The following IQSEC1 variants were observed in gnomAD, a reference collection of about 807,000 sequenced individuals.
IQSEC1 encodes IQ motif and Sec7 domain ArfGEF 1, also known as IQ motif and SEC7 domain-containing protein 1.
Under a neutral mutation model 91.0 loss-of-function variants are expected in IQSEC1, and 31 were observed. The ratio of observed to expected loss-of-function variants is 0.34; its 90% confidence interval spans 0.26 to 0.46. IQSEC1 has a LOEUF of 0.46. IQSEC1 is among the 20% of genes least tolerant of loss of function. The pLI, the probability that IQSEC1 is intolerant of heterozygous loss-of-function variation, is 1.00. For missense variants in IQSEC1, 1,388 were observed against 1,575.6 expected, an observed-to-expected ratio of 0.88 and a Z score of 2.02; for synonymous variants, 699 against 662.6, an observed-to-expected ratio of 1.05 and a Z score of -0.84.
intron 2 of IQSEC1, among the ~76,000 whole-genome samples, chr3:13,121,880 G>T (rs914180309): frequency 2.0e-5 from 3 of 152,236 alleles, no homozygotes; most frequent in Non-Finnish European, 4.4e-5. Flanking sequence ...ACCGTCCTAC[G>T]GAACTGCCCC....
chr3:12,949,873 A>C (rs987536916), intron 1 of IQSEC1, among the ~76,000 whole-genome samples: 36 of 152,164 alleles, frequency 2.4e-4, no homozygotes, highest in Non-Finnish European at 5.0e-4. Context: ...GTGCAGAGAG[A>C]ACAGGCAGGT....
chr3:13,038,262 GTATATA>G (rs58338571), intron 1 of IQSEC1, among the ~76,000 whole-genome samples: 3,394 of 101,160 alleles, frequency 0.034, 128 homozygotes, highest in African/African-American at 0.093. Context: ...GTGTGTGTGT[GTATATA>G]TATATATATA....
intron 1 of IQSEC1, among the ~76,000 whole-genome samples, chr3:13,047,891 G>C (rs1328774658): frequency 1.3e-5 from 2 of 152,112 alleles, no homozygotes; most frequent in Admixed American, 6.5e-5. Context: ...CTTCCCCAAA[G>C]AGCCCTGCAC....
At chr3:12,946,384 G>A (rs543287899) in intron 1 of IQSEC1, among the ~76,000 whole-genome samples, 4 of 152,320 alleles carry the variant, frequency 2.6e-5, no homozygotes, top group East Asian at 3.9e-4. Flanking sequence ...GGAATGGGCC[G>A]AGGCACCTCT....
intron 2 of IQSEC1, among the ~76,000 whole-genome samples, chr3:13,119,299 C>T (rs1706386982): frequency 6.6e-6 from 1 of 152,180 alleles, no homozygotes. Context: ...AAAAGGGCCT[C>T]AAGGATCTGA....
At chr3:13,093,223 TA>T (rs35347959) in intron 2 of IQSEC1, among the ~76,000 whole-genome samples, 73,930 of 151,552 alleles carry the variant, frequency 0.49, 18,292 homozygotes, top group East Asian at 0.58. Context: ...AACTCACTTA[TA>T]AAGGAGACAT....
intron 12 of IQSEC1, among the ~76,000 whole-genome samples, chr3:12,905,519 C>T (rs1024090568): frequency 2.7e-4 from 41 of 152,266 alleles, no homozygotes; most frequent in Non-Finnish European, 5.4e-4. Context: ...AACGGGCCCA[C>T]AGGGTCTGAC....
intron 1 of IQSEC1, among the ~76,000 whole-genome samples, chr3:13,020,973 T>C (rs934355807): frequency 1.4e-4 from 21 of 152,174 alleles, no homozygotes; most frequent in Non-Finnish European, 1.2e-4. Flanking sequence ...AAGGAAGGAA[T>C]GCTTATAAAG....
rs1694162565 is a variant in IQSEC1 at position 12,900,665 on chromosome 3, G to A, written c.*318C>T. On this transcript the variant is annotated 3_prime_UTR_variant, in exon 14 of 14. Coordinates refer to ENST00000613206, the MANE Select transcript of IQSEC1 (RefSeq NM_001134382.3). ...ATGCATGTACATTAGGGCACAGGGA[G>A]CTGAGAGCTGGAGTGGGGGAGGCAG... is the stretch of plus-strand genomic sequence containing the variant. The A allele has an allele frequency of 7.8e-7, 1 of 1,282,416 alleles. No individual in the cohort carries two copies. Among genetic ancestry groups the A allele is most frequent in the African/African-American group, 1.5e-5 (1 of 66,370 alleles). 79.4% of individuals were successfully genotyped at this position (1,282,416 alleles called of 1,614,324 possible).
At chr3:12,972,451 C>G (rs536879732) in intron 1 of IQSEC1, among the ~76,000 whole-genome samples, 1 of 152,352 alleles carries the variant, frequency 6.6e-6, no homozygotes, top group African/African-American at 2.4e-5. Context: ...TTGGGCCACT[C>G]CAGGTTCCTC....
At position 12,994,751 on chromosome 3, in the gene IQSEC1, T is replaced by C. The variant is rs1702158382; in HGVS notation, c.24-52886A>G. On this transcript the variant is annotated intron_variant, in intron 1 of 13. Transcript: ENST00000613206. This position sits in a 1 kb window ranked among gnomAD's most constrained non-coding sequence, Gnocchi z 4.5. ...CTCCAGGACACACCCTCCTGACTGT[T>C]TGGGGACGGGGTGGGGACCTGGGCC... is the stretch of plus-strand genomic sequence containing the variant. 1.3e-5 allele frequency among the ~76,000 whole-genome samples: 2 copies of C among 152,288 alleles called. No individual in the cohort carries two copies. The highest frequency in any genetic ancestry group is 2.4e-5 in the African/African-American group (1 of 41,568).
At position 13,211,838 on chromosome 3, in the gene IQSEC1, C is replaced by T. The variant is rs998641176; in HGVS notation, c.273-47705G>A. Among the ~76,000 whole-genome samples, 1 of 152,258 alleles carries T rather than the reference C, an allele frequency of 6.6e-6. No homozygotes were observed. The highest frequency in any genetic ancestry group is 2.4e-5 in the African/African-American group (1 of 41,476). On this transcript the variant is annotated intron_variant, in intron 1 of 15. Transcript: ENST00000648114. The surrounding 1 kb of genome is among the most constrained non-coding windows in gnomAD (Gnocchi z 5.3). The stretch of plus-strand genomic sequence containing the variant: ...CACGGCAAATGCCGCACCCTCCATG[C>T]AGCCCTCGCCCACCCTCGCAGGCAC...
At position 12,900,271 on chromosome 3, in the gene IQSEC1, TTC is replaced by T. The variant is rs1473865416; in HGVS notation, c.*710_*711del. The T allele has an allele frequency of 1.0e-5, 10 of 985,042 alleles. No homozygotes were observed. Among genetic ancestry groups the T allele is most frequent in the Non-Finnish European group, 1.2e-5 (10 of 829,738 alleles). The allele number at this position is 985,042 out of a possible 1,614,324, so 61.0% of individuals were successfully genotyped here. ...AGATTTTAGCCAGTCCTAGAGGGAC[TTC>T]TTTGTATGAAAATATGAAGTATCTG... On this transcript the variant is annotated 3_prime_UTR_variant, in exon 14 of 14. Coordinates refer to ENST00000613206, the MANE Select transcript of IQSEC1 (RefSeq NM_001134382.3).
At chr3:12,953,947 C>T (rs1699732370) in intron 1 of IQSEC1, among the ~76,000 whole-genome samples, 1 of 152,226 alleles carries the variant, frequency 6.6e-6, no homozygotes, top group African/African-American at 2.4e-5. Context: ...AATGCCATGC[C>T]TAATTAGAGG....
chr3:13,157,892 T>G (rs970808948), intron 2 of IQSEC1, among the ~76,000 whole-genome samples: 2 of 152,218 alleles, frequency 1.3e-5, no homozygotes, highest in African/African-American at 4.8e-5. Context: ...AAGTCTTTGC[T>G]CCGATTTCAT....
chr3:13,032,613 T>C (rs1196837690), intron 1 of IQSEC1, among the ~76,000 whole-genome samples: 1 of 151,202 alleles, frequency 6.6e-6, no homozygotes, highest in Non-Finnish European at 1.5e-5. Context: ...AGATGGAGTC[T>C]CGCTCTGTCG....
chr3:12,936,822 G>A, intron 2 of IQSEC1, 125 bp from the exon 3 acceptor site: 1 of 859,958 alleles, frequency 1.2e-6, no homozygotes, highest in East Asian at 2.7e-5. Flanking sequence ...GTTGGTCAAA[G>A]CAACTGCTGA....
At chr3:13,197,340 C>T (rs539180041) in intron 1 of IQSEC1, among the ~76,000 whole-genome samples, 4 of 152,284 alleles carry the variant, frequency 2.6e-5, no homozygotes, top group East Asian at 3.9e-4. Flanking sequence ...TGGCCAGGGG[C>T]GCTGGAGGGT....
In IQSEC1 at chr3:13,214,565, GGT is replaced by G. The variant is rs1426094235; in HGVS notation, c.273-50434_273-50433del. ...TGCAGCCTGGGGCCTCTCACTGCCA[GGT>G]GGACGAACCAGGGCAGGAATCCTAG... On this transcript the variant is annotated intron_variant, in intron 1 of 15. Coordinates refer to the IQSEC1 transcript ENST00000648114. This position sits in a 1 kb window ranked among gnomAD's most constrained non-coding sequence, Gnocchi z 4.5. Among the ~76,000 whole-genome samples, 4 of 152,260 alleles carry G rather than the reference GGT, an allele frequency of 2.6e-5. No homozygotes were observed. The highest frequency in any genetic ancestry group is 9.6e-5 in the African/African-American group (4 of 41,466).
Sources: allele counts gnomAD v4.1 joint callset (sites outside exome capture counted in the v4.1 genomes callset), GRCh38; gene constraint gnomAD v4.1.1; non-coding constraint Gnocchi (gnomAD v3.1); transcripts MANE v1.5; gene names NCBI Gene and HGNC (gene_info 2026-07-23, HGNC 2026-07-21).